The following USF2 variants were observed in gnomAD, a reference collection of about 807,000 sequenced individuals.
USF2 encodes the protein upstream stimulatory factor 2.
Under a neutral mutation model 46.9 loss-of-function variants are expected in USF2, and 16 were observed. The observed-to-expected ratio is 0.34, with a 90% CI of 0.23 to 0.52. The LOEUF is 0.52. Ranked by LOEUF, USF2 falls within the 20% of genes least tolerant of loss-of-function variation. The probability of loss-of-function intolerance (pLI) is 0.96; values close to 1 mark genes in which losing one functional copy is unlikely to be tolerated. For synonymous variants in USF2, 239 were observed against 194.1 expected, an observed-to-expected ratio of 1.23 and a Z score of -1.92; for missense variants, 411 against 474.0, an observed-to-expected ratio of 0.87 and a Z score of 1.23.
chr19:35,271,030 G>A (rs2066147080), intron 6 of USF2, 53 bp from the exon 7 acceptor site: 1 of 1,603,980 alleles, frequency 6.2e-7, no homozygotes, highest in Non-Finnish European at 8.5e-7. Context: ...CAGATGCTTG[G>A]GCAAACAGCT....
intron 6 of USF2, 105 bp downstream of exon 6, chr19:35,270,910 G>A (rs2066144479): frequency 1.3e-6 from 2 of 1,486,014 alleles, no homozygotes; most frequent in Non-Finnish European, 1.9e-6. Context: ...ATGGTGTAAT[G>A]TTTTTTTTCT....
At chr19:35,269,308 C>A (rs1331519392) in intron 1 of USF2, 138 bp from the exon 2 acceptor site, 1 of 887,866 alleles carries the variant, frequency 1.1e-6, no homozygotes, top group Non-Finnish European at 1.3e-6. Context: ...CTGGCGCCTC[C>A]CGCCCCCGGC....
chr19:35,271,147 G>A lies in USF2; in HGVS notation c.727+6G>A. On this transcript the variant is annotated splice_donor_region_variant and intron_variant, in intron 7 of 9. Coordinates refer to ENST00000222305, the MANE Select transcript of USF2 (RefSeq NM_003367.4). ...AAGAGCCCAGCACAACGAAGGTGAG[G>A]ACAAGGTGTGGCTCCGGGTCCCCCT... is the stretch of plus-strand genomic sequence containing the variant. 6.2e-7 allele frequency: 1 copy of A among 1,613,962 alleles called. No homozygotes were observed. Among genetic ancestry groups the A allele is most frequent in the Non-Finnish European group, 8.5e-7 (1 of 1,179,980 alleles).
Position 35,270,439 on chromosome 19 carries a change from C to T in USF2, c.430-8C>T. 6.2e-7 allele frequency: 1 copy of T among 1,610,574 alleles called. No individual in the cohort carries two copies. Among genetic ancestry groups the T allele is most frequent in the Non-Finnish European group, 8.5e-7 (1 of 1,178,544 alleles). On this transcript the variant is annotated splice_region_variant and splice_polypyrimidine_tract_variant and intron_variant, in intron 4 of 9. Transcript: ENST00000222305. ...GCTAAGGGTAGCCTCTGCCCTCCTA[C>T]TCCCCAGGCTGTGATCCAAAATCCC... is the stretch of plus-strand genomic sequence containing the variant.
At chr19:35,269,194 G>A in intron 1 of USF2, 31 bp downstream of exon 1, 2 of 954,968 alleles carry the variant, frequency 2.1e-6, no homozygotes, top group Non-Finnish European at 2.5e-6. Flanking sequence ...GTGCCCCCGC[G>A]CCCCGGCCCC....
intron 7 of USF2, among the ~76,000 whole-genome samples, chr19:35,276,067 C>CTTTT (rs1727462651): frequency 3.6e-5 from 4 of 110,688 alleles, no homozygotes; most frequent in Non-Finnish European, 7.8e-5. Flanking sequence ...TCTGAATTTT[C>CTTTT]TCTTTTTTTT....
Position 35,271,275 on chromosome 19 carries a change from G to A in USF2, c.727+134G>A, listed in dbSNP as rs551402866. ...AGTGCTCCAGAGGGCTTTGCTGGAC[G>A]CTGTAAAGGTAGAAAGTGAGCAACG... is the stretch of plus-strand genomic sequence containing the variant. On this transcript the variant is annotated intron_variant, in intron 7 of 9. Coordinates refer to ENST00000222305, the MANE Select transcript of USF2 (RefSeq NM_003367.4). The A allele has an allele frequency of 9.0e-5, 89 of 989,662 alleles. No individual in the cohort carries two copies. In the East Asian group the frequency reaches 1.9e-3, roughly 22 times the overall value. 61.3% of individuals were successfully genotyped at this position (989,662 alleles called of 1,614,324 possible). A position where few individuals can be genotyped will look rare whatever the true frequency, so the allele number is the denominator to read the frequency against.
rs2066272155 is a variant in USF2, at chr19:35,278,934, C to G, written c.823-12C>G. On this transcript the variant is annotated splice_polypyrimidine_tract_variant and intron_variant, in intron 8 of 9. Transcript: ENST00000222305. ...TGCCTGCCCTAAGGCTCCTGGTCCC[C>G]TCGCCCCCCAGAGTAAAGGAGGGAT... is the stretch of plus-strand genomic sequence containing the variant. 1 of 1,557,036 alleles carries G rather than the reference C, an allele frequency of 6.4e-7. No homozygotes were observed. Among genetic ancestry groups the G allele is most frequent in the African/African-American group, 1.4e-5 (1 of 73,190 alleles).
At chr19:35,271,931 G>T (rs1422320467) in intron 7 of USF2, among the ~76,000 whole-genome samples, 1 of 152,182 alleles carries the variant, frequency 6.6e-6, no homozygotes, top group Non-Finnish European at 1.5e-5. Context: ...CTTCCCTAGG[G>T]AGAGGGGAGT....
At chr19:35,273,504 G>A (rs1373485448) in intron 7 of USF2, among the ~76,000 whole-genome samples, 2 of 152,224 alleles carry the variant, frequency 1.3e-5, no homozygotes, top group Admixed American at 6.5e-5. Context: ...TTTTCCATCA[G>A]CTCTTCAGGT....
rs199680806 is a variant in USF2 at position 35,274,631 on chromosome 19, GT to G, written c.727+3491del. Among the ~76,000 whole-genome samples, 300 of 152,322 alleles carry G rather than the reference GT, an allele frequency of 2.0e-3. 3 individuals carry two copies. In the East Asian group the frequency reaches 0.05, roughly 25 times the overall value. ...ATCCTAGGCAATGTGACAAAACCCTGTCTCTACCAAAAAAATTAAAAATTAG... is the reference window on the plus strand; with the variant it reads ...ATCCTAGGCAATGTGACAAAACCCTGCTCTACCAAAAAAATTAAAAATTAG... On this transcript the variant is annotated intron_variant, in intron 7 of 9. Transcript: ENST00000222305.
At chr19:35,270,215 T>G in intron 4 of USF2, 1 of 847,476 alleles carries the variant, frequency 1.2e-6, no homozygotes, top group Non-Finnish European at 1.7e-6. Context: ...GGGAATGATG[T>G]GTCTTAAGAG....
chr19:35,277,241 G>A (rs2066247034), intron 7 of USF2: 1 of 152,448 alleles, frequency 6.6e-6, no homozygotes, highest in African/African-American at 2.4e-5. Context: ...GCCCAGTGCA[G>A]GGCCTGGACC....
chr19:35,276,341 G>A (rs936840567), intron 7 of USF2, among the ~76,000 whole-genome samples: 1 of 152,168 alleles, frequency 6.6e-6, no homozygotes, highest in African/African-American at 2.4e-5. Context: ...GGGATTACAG[G>A]CGTGAGCCAC....
At chr19:35,276,210 T>C (rs995102523) in intron 7 of USF2, among the ~76,000 whole-genome samples, 3 of 151,948 alleles carry the variant, frequency 2.0e-5, no homozygotes, top group Non-Finnish European at 2.9e-5. Flanking sequence ...TCGCTGGGAT[T>C]ATAGGCATGC....
chr19:35,271,713 C>T (rs1423849921), intron 7 of USF2, among the ~76,000 whole-genome samples: 2 of 152,248 alleles, frequency 1.3e-5, no homozygotes, highest in Admixed American at 6.5e-5. Context: ...CTGCAGTGGG[C>T]ACAGCACTGT....
chr19:35,269,117 C>T lies in USF2; in HGVS notation c.16C>T (p.Pro6Ser), dbSNP rs1411983823. The T allele has an allele frequency of 4.1e-6, 2 of 486,554 alleles. No homozygotes were observed. Among genetic ancestry groups the T allele is most frequent in the Non-Finnish European group, 5.4e-6 (2 of 371,680 alleles). The allele number at this position is 486,554 out of a possible 1,614,324, so 30.1% of individuals were successfully genotyped here. MDMLD[P>S]GLDPAASATA... ...CGCCCCCCCCATGGACATGCTGGACCCGGGTCTGGATCCCGCTGCCTCGGC... is the reference window on the plus strand; with the variant it reads ...CGCCCCCCCCATGGACATGCTGGACTCGGGTCTGGATCCCGCTGCCTCGGC... Residue 6 changes from proline (P) to serine (S), a missense_variant, in exon 1 of 10, where the codon CCG becomes TCG. Pro to Ser is a moderately conservative substitution (Grantham distance 74, BLOSUM62 -1). Around this residue, in one of 2 missense-constraint regions of USF2, gnomAD observed 318 missense variants for 322.4 expected, o/e 0.99. Coordinates refer to ENST00000222305, the MANE Select transcript of USF2 (RefSeq NM_003367.4).
intron 4 of USF2, 74 bp downstream of exon 4, chr19:35,270,077 C>T: frequency 7.5e-7 from 1 of 1,335,300 alleles, no homozygotes; most frequent in Non-Finnish European, 9.6e-7. Flanking sequence ...CTTGGGGAGC[C>T]CCGGGGGTGG....
In USF2 at chr19:35,278,585, G is replaced by A. The variant is rs952756792; in HGVS notation, c.728-113G>A. 2.2e-5 allele frequency: 24 copies of A among 1,068,698 alleles called. No homozygotes were observed. The East Asian group carries it at 3.6e-4, about 16-fold the overall frequency. The allele number at this position is 1,068,698 out of a possible 1,614,324, so 66.2% of individuals were successfully genotyped here. A position where few individuals can be genotyped will look rare whatever the true frequency, so the allele number is the denominator to read the frequency against. On this transcript the variant is annotated intron_variant, in intron 7 of 9. Transcript: ENST00000222305. ...CCTCACTTCCCAGGGCTGTGGTCTC[G>A]GTGGGGCCTGCACTGTTCCTGGGTG...
Sources: allele counts gnomAD v4.1 joint callset (sites outside exome capture counted in the v4.1 genomes callset), GRCh38; gene constraint gnomAD v4.1.1; regional missense constraint gnomAD v4.1.1; transcripts MANE v1.5; gene names NCBI Gene and HGNC (gene_info 2026-07-23, HGNC 2026-07-21).